TTLL4: variants seen among roughly 807,000 people sequenced by gnomAD.
TTLL4 encodes tubulin tyrosine ligase like 4.
Under a neutral mutation model 122.7 loss-of-function variants are expected in TTLL4, and 85 were observed. The ratio of observed to expected loss-of-function variants is 0.69; its 90% CI spans 0.58 to 0.83. TTLL4 has a LOEUF of 0.83. Among genes scored for constraint, TTLL4 ranks in the 40% least tolerant of loss-of-function variants. The pLI is 0.00. For missense variants in TTLL4, 1,363 were observed against 1,488.6 expected (o/e 0.92, Z 1.39); for synonymous variants, 553 against 563.0 (o/e 0.98, Z 0.25).
intron 6 of TTLL4, 155 bp from the exon 7 acceptor site, chr2:218,745,536 C>A: frequency 1.5e-6 from 1 of 656,868 alleles, no homozygotes; most frequent in Non-Finnish European, 2.7e-6. Flanking sequence ...TCTTCTTTCC[C>A]AAAGTGTGCT....
Position 218,754,595 on chromosome 2 carries a change from C to T in TTLL4, c.*206C>T. The T allele has an allele frequency of 1.5e-6, 1 of 676,576 alleles. No individual in the cohort carries two copies. Among genetic ancestry groups the T allele is most frequent in the Non-Finnish European group, 2.4e-6 (1 of 412,220 alleles). 41.9% of individuals were successfully genotyped at this position (676,576 alleles called of 1,614,324 possible). On this transcript the variant is annotated 3_prime_UTR_variant, in exon 20 of 20. Transcript: ENST00000392102. ...TGGGGAGAAGGTGAGGAAGGGTCAC[C>T]CTCTGTCACCTGTCTGCCTGGCTGG...
intron 2 of TTLL4, among the ~76,000 whole-genome samples, chr2:218,735,056 A>AT (rs780126862): frequency 1.3e-5 from 2 of 151,902 alleles, no homozygotes; most frequent in African/African-American, 4.8e-5. Context: ...CTGCATTGTG[A>AT]TTTTTTGTAC....
At chr2:218,731,536 T>A (rs1942382438) in intron 2 of TTLL4, among the ~76,000 whole-genome samples, 1 of 152,206 alleles carries the variant, frequency 6.6e-6, no homozygotes, top group East Asian at 1.9e-4. Context: ...TGTATTTTTC[T>A]GCCTTCATCA....
intron 2 of TTLL4, chr2:218,736,463 A>C (rs1942526003): frequency 6.6e-6 from 1 of 152,190 alleles, no homozygotes. Flanking sequence ...GAAGATGCAA[A>C]AGAGACAGGC....
intron 1 of TTLL4, among the ~76,000 whole-genome samples, chr2:218,719,934 G>A (rs540672121): frequency 3.3e-5 from 5 of 152,358 alleles, no homozygotes; most frequent in African/African-American, 7.2e-5. Flanking sequence ...TAGGGGCATG[G>A]TGGAAATAAT....
rs771106138 is a variant in TTLL4, at chr2:218,747,067, G to A, written c.2039G>A (p.Arg680His). ...GACCGGCTATGGCGGAACCTGTCAC[G>A]TATGCAGAGCCGCTTTGGCAAGAAG... ...RKDRLWRNLS[R>H]MQSRFGKKEF... Residue 680 changes from arginine to histidine, a missense_variant, in exon 9 of 20, where the codon CGT (arginine) becomes CAT (histidine). Arg to His is a conservative substitution (Grantham distance 29, BLOSUM62 0). This residue lies in a region of TTLL4 where 596 missense variants were observed against 655.8 expected (regional missense o/e 0.91). Transcript: ENST00000392102. The surrounding 1 kb of genome is among the most constrained non-coding windows in gnomAD (Gnocchi z 4.7). The A allele has an allele frequency of 3.7e-6, 6 of 1,614,072 alleles. No individual in the cohort carries two copies. Among genetic ancestry groups the A allele is most frequent in the East Asian group, 2.2e-5 (1 of 44,884 alleles).
intron 1 of TTLL4, among the ~76,000 whole-genome samples, chr2:218,715,746 C>T (rs915401689): frequency 6.6e-6 from 1 of 152,166 alleles, no homozygotes; most frequent in Non-Finnish European, 1.5e-5. Context: ...TCTCCTGCCT[C>T]AGCCTCCCAA....
At chr2:218,753,821 C>G (rs1238347333) in intron 19 of TTLL4, 152 bp downstream of exon 19, 3 of 898,792 alleles carry the variant, frequency 3.3e-6, no homozygotes, top group Non-Finnish European at 5.2e-6. Flanking sequence ...CATCCTTTTT[C>G]TGGTAGATCT....
intron 16 of TTLL4, 37 bp from the exon 17 acceptor site, chr2:218,752,726 T>A (rs1351803470): frequency 1.2e-6 from 2 of 1,611,356 alleles, no homozygotes; most frequent in African/African-American, 2.7e-5. Context: ...GCTTACACTC[T>A]CTCACACCCT....
Position 218,737,746 on chromosome 2 carries a change from C to G in TTLL4, c.70C>G (p.Pro24Ala). Residue 24 changes from proline to alanine, a missense_variant, in exon 3 of 20, where the codon CCC becomes GCC. By Grantham distance (27) the Pro-to-Ala change is conservative (BLOSUM62 -1). This residue lies in a region of TTLL4 where 760 missense variants were observed against 808.4 expected (regional missense o/e 0.94). Coordinates refer to ENST00000392102, the MANE Select transcript of TTLL4 (RefSeq NM_014640.5). ...GAAAAACAGCTTCAAGCAGAGTGGTCCCTCAGGCACAGTACCTGCCACGCC... is the reference window on the plus strand; with the variant it reads ...GAAAAACAGCTTCAAGCAGAGTGGTGCCTCAGGCACAGTACCTGCCACGCC... ...RQKNSFKQSG[P>A]SGTVPATPPE... 1 of 1,614,126 alleles carries G rather than the reference C, an allele frequency of 6.2e-7. No individual in the cohort carries two copies. The highest frequency in any genetic ancestry group is 8.5e-7 in the Non-Finnish European group (1 of 1,179,994).
chr2:218,743,026 C>G (rs1942744933), intron 5 of TTLL4, among the ~76,000 whole-genome samples: 2 of 152,150 alleles, frequency 1.3e-5, no homozygotes, highest in Non-Finnish European at 2.9e-5. Context: ...CGCCTATAAT[C>G]CCAGCTACTC....
intron 1 of TTLL4, among the ~76,000 whole-genome samples, chr2:218,713,230 T>TA (rs1446914078): frequency 6.6e-6 from 1 of 152,082 alleles, no homozygotes; most frequent in Non-Finnish European, 1.5e-5. Flanking sequence ...AAAAAATATG[T>TA]AAAAATTAGC....
Position 218,751,723 on chromosome 2 carries a change from G to C in TTLL4, c.2893G>C (p.Asp965His). The C allele has an allele frequency of 6.2e-7, 1 of 1,613,006 alleles. No homozygotes were observed. Among genetic ancestry groups the C allele is most frequent in the Non-Finnish European group, 8.5e-7 (1 of 1,179,392 alleles). ...CCGTAGCCTGCCCACCTCCCCTGGG[G>C]ACAAATGTCGAATGGCTCCAGAGCA... ...STTSLPTSPG[D>H]KCRMAPEHVT... Residue 965 changes from aspartate (D) to histidine (H), a missense_variant, in exon 16 of 20, where the codon GAC becomes CAC. Around this residue, in one of 3 missense-constraint regions of TTLL4, gnomAD observed 596 missense variants for 655.8 expected, o/e 0.91. Coordinates refer to ENST00000392102, the MANE Select transcript of TTLL4 (RefSeq NM_014640.5).
intron 1 of TTLL4, among the ~76,000 whole-genome samples, chr2:218,712,529 G>A (rs899093336): frequency 6.6e-6 from 1 of 152,062 alleles, no homozygotes; most frequent in African/African-American, 2.4e-5. Flanking sequence ...TGGGATTAGA[G>A]GCGCATGCTG....
In TTLL4 at chr2:218,738,708, C is replaced by G. The variant is rs146208784; in HGVS notation, c.1032C>G (p.Thr344=). 6 of 1,614,180 alleles carry G rather than the reference C, an allele frequency of 3.7e-6. No homozygotes were observed. The South Asian group carries it at 5.5e-5, about 15-fold the overall frequency. ...TCACTGAGGCCGTGAGGAAATTGACCGCAAGAGGCTTTGAGAAGATGCCGA... is the reference window on the plus strand; with the variant it reads ...TCACTGAGGCCGTGAGGAAATTGACGGCAAGAGGCTTTGAGAAGATGCCGA... ...IRFTEAVRKL[T]ARGFEKMPRQ... Residue 344 remains threonine (T), a synonymous_variant, in exon 3 of 20, where the codon ACC becomes ACG. Coordinates refer to ENST00000392102, the MANE Select transcript of TTLL4 (RefSeq NM_014640.5).
At chr2:218,712,490 G>A (rs1284160309) in intron 1 of TTLL4, among the ~76,000 whole-genome samples, 2 of 151,700 alleles carry the variant, frequency 1.3e-5, no homozygotes, top group East Asian at 1.9e-4. Context: ...GGGTTCAAGC[G>A]ATTCTCCTAC....
Position 218,738,458 on chromosome 2 carries a change from G to A in TTLL4, c.782G>A (p.Cys261Tyr). 3 of 1,614,206 alleles carry A rather than the reference G, an allele frequency of 1.9e-6. No individual in the cohort carries two copies. The highest frequency in any genetic ancestry group is 1.7e-5 in the Admixed American group (1 of 60,034). The change falls in exon 3 of 20, where the codon TGT becomes TAT. Residue 261 changes from cysteine to tyrosine, a missense_variant. By Grantham distance (194) the Cys-to-Tyr change is radical (BLOSUM62 -2). This residue lies in a region of TTLL4 where 760 missense variants were observed against 808.4 expected (regional missense o/e 0.94). Transcript: ENST00000392102. ...CATCATTCAGGGGGTACTGGAGACT[G>A]TGCACCGCAGCCTGTTGACCATAAG... ...SWHHSGGTGD[C>Y]APQPVDHKVP...
At chr2:218,743,808 T>C (rs1942768779) in intron 5 of TTLL4, among the ~76,000 whole-genome samples, 1 of 152,108 alleles carries the variant, frequency 6.6e-6, no homozygotes, top group African/African-American at 2.4e-5. Context: ...GCCTCCCGAG[T>C]AGCTGGGACT....
chr2:218,759,652 C>G (rs958578694), downstream of TTLL4, among the ~76,000 whole-genome samples: 3 of 152,036 alleles, frequency 2.0e-5, no homozygotes, highest in Non-Finnish European at 4.4e-5. Flanking sequence ...GTTGTGGGAA[C>G]TTGTCAAATT....
Sources: allele counts gnomAD v4.1 joint callset (sites outside exome capture counted in the v4.1 genomes callset), GRCh38; gene constraint gnomAD v4.1.1; regional missense constraint gnomAD v4.1.1; non-coding constraint Gnocchi (gnomAD v3.1); transcripts MANE v1.5; gene names NCBI Gene and HGNC (gene_info 2026-07-23, HGNC 2026-07-21).